PRDM2: variants seen among roughly 807,000 people sequenced by gnomAD.
The protein encoded by PRDM2 is PR/SET domain 2.
A neutral mutation model predicts 130.0 loss-of-function variants in PRDM2; 30 were observed. The ratio of observed to expected loss-of-function variants is 0.23; its 90% CI spans 0.17 to 0.31. The LOEUF (loss-of-function observed/expected upper bound fraction) is 0.31. Among genes scored for constraint, PRDM2 ranks in the 10% least tolerant of loss-of-function variants. PRDM2 has a pLI of 1.00. For synonymous variants in PRDM2, 871 were observed against 782.4 expected (o/e 1.11, Z -1.89); for missense variants, 2,011 against 2,108.4 (o/e 0.95, Z 0.90).
At chr1:13,774,321 T>C (rs1052570202) in intron 7 of PRDM2, among the ~76,000 whole-genome samples, 10 of 152,236 alleles carry the variant, frequency 6.6e-5, no homozygotes, top group Non-Finnish European at 7.3e-5. Context: ...GTGAGCCAAG[T>C]AGGCAAATTT....
In PRDM2 at chr1:13,780,190, T is replaced by G. The variant is rs746655694; in HGVS notation, c.2395T>G (p.Cys799Gly). 1.2e-6 allele frequency: 2 copies of G among 1,600,554 alleles called. No individual in the cohort carries two copies. Among genetic ancestry groups the G allele is most frequent in the South Asian group, 2.2e-5 (2 of 89,360 alleles). The part of the protein sequence containing the change: ...RDERETVSPP[C>G]FDEYKMSKEW... ...TGAGAGAGAAACTGTGAGCCCTCCATGCTTTGATGAATATAAAATGTCTAA... is the reference window on the plus strand; with the variant it reads ...TGAGAGAGAAACTGTGAGCCCTCCAGGCTTTGATGAATATAAAATGTCTAA... The change falls in exon 8 of 10, where the codon TGC becomes GGC. Residue 799 changes from cysteine to glycine, a missense_variant. Cys to Gly is a radical substitution (Grantham distance 159). Transcript: ENST00000311066.
chr1:13,781,468 G>C lies in PRDM2; in HGVS notation c.3673G>C (p.Glu1225Gln). Reference protein sequence around the residue: ...PDKVCTHHEFESGTLRPQNFT... With the variant: ...PDKVCTHHEFQSGTLRPQNFT... ...TAAGGTGTGCACACATCACGAGTTTGAAAGCGGGACTCTGAGGCCCCAGAA... is the reference window on the plus strand; with the variant it reads ...TAAGGTGTGCACACATCACGAGTTTCAAAGCGGGACTCTGAGGCCCCAGAA... Residue 1225 changes from glutamate to glutamine, a missense_variant, in exon 8 of 10, where the codon GAA (glutamate) becomes CAA (glutamine). Physicochemically the swap from Glu to Gln is conservative, Grantham distance 29. This residue lies in a region of PRDM2 where 229 missense variants were observed against 364.1 expected (regional missense o/e 0.63). Transcript: ENST00000311066. This position sits in a 1 kb window ranked among gnomAD's most constrained non-coding sequence, Gnocchi z 6.1. The C allele has an allele frequency of 6.2e-7, 1 of 1,613,704 alleles. No homozygotes were observed. Among genetic ancestry groups the C allele is most frequent in the Non-Finnish European group, 8.5e-7 (1 of 1,179,860 alleles).
chr1:13,717,365 G>A (rs1557596779), intron 2 of PRDM2: 1 of 973,518 alleles, frequency 1.0e-6, no homozygotes, highest in Non-Finnish European at 1.2e-6. Context: ...AAAGGAGCTC[G>A]GTTCTCTGCA....
intron 9 of PRDM2, among the ~76,000 whole-genome samples, chr1:13,817,282 G>A (rs1645272698): frequency 6.6e-6 from 1 of 152,042 alleles, no homozygotes; most frequent in African/African-American, 2.4e-5. Context: ...AAAAATTTCG[G>A]GTCTCAAGCA....
chr1:13,799,985 A>G (rs1402794056), intron 8 of PRDM2, among the ~76,000 whole-genome samples: 2 of 152,238 alleles, frequency 1.3e-5, no homozygotes, highest in East Asian at 3.8e-4. Context: ...TTCTCTCTGC[A>G]CTTTTAACAA....
intron 8 of PRDM2, among the ~76,000 whole-genome samples, chr1:13,813,578 A>G (rs1273907706): frequency 1.3e-5 from 2 of 152,222 alleles, no homozygotes; most frequent in Non-Finnish European, 2.9e-5. Context: ...TGAAAGGGGT[A>G]TAAAAGCACT....
intron 9 of PRDM2, among the ~76,000 whole-genome samples, chr1:13,821,348 A>G (rs1012930108): frequency 1.3e-5 from 2 of 152,182 alleles, no homozygotes; most frequent in East Asian, 3.9e-4. Flanking sequence ...TATTTTTAGT[A>G]ATAGTAATGG....
chr1:13,706,687 A>G (rs561777082), intron 1 of PRDM2, among the ~76,000 whole-genome samples: 1 of 151,572 alleles, frequency 6.6e-6, no homozygotes, highest in African/African-American at 2.4e-5. Context: ...ATCAAAAGAC[A>G]GTCTTTCATC....
At chr1:13,749,246 C>T (rs1049272897) in intron 5 of PRDM2, 115 bp from the exon 6 acceptor site, 5 of 1,005,684 alleles carry the variant, frequency 5.0e-6, no homozygotes, top group Non-Finnish European at 4.9e-6. Flanking sequence ...CGCGCGGCGC[C>T]GCCGACAGCT....
intron 5 of PRDM2, among the ~76,000 whole-genome samples, chr1:13,742,617 A>T (rs1013100383): frequency 6.6e-6 from 1 of 152,210 alleles, no homozygotes; most frequent in Non-Finnish European, 1.5e-5. Flanking sequence ...GTGTTTTAAT[A>T]TATGGTTACC....
intron 6 of PRDM2, among the ~76,000 whole-genome samples, chr1:13,750,391 T>G (rs142034800): frequency 0.015 from 2,233 of 151,892 alleles, 26 homozygotes; most frequent in South Asian, 0.036. Flanking sequence ...TGTTTTTTTG[T>G]TTTTTTGTTT....
intron 6 of PRDM2, among the ~76,000 whole-genome samples, chr1:13,755,662 C>T (rs553533875): frequency 6.6e-6 from 1 of 151,152 alleles, no homozygotes; most frequent in East Asian, 1.9e-4. Context: ...TTTTTAAACT[C>T]GTTCAGTGTT....
intron 1 of PRDM2, among the ~76,000 whole-genome samples, chr1:13,706,617 C>T (rs1390849899): frequency 6.6e-6 from 1 of 152,182 alleles, no homozygotes; most frequent in East Asian, 1.9e-4. Flanking sequence ...TCTGTTCTGT[C>T]CTTGCTCTGC....
At chr1:13,814,957 T>C (rs920624503) in intron 8 of PRDM2, among the ~76,000 whole-genome samples, 2 of 152,190 alleles carry the variant, frequency 1.3e-5, no homozygotes, top group African/African-American at 4.8e-5. Flanking sequence ...TGCCTCAGTT[T>C]CCTCATCTGT....
chr1:13,782,804 G>A lies in PRDM2; in HGVS notation c.5009G>A (p.Ser1670Asn), dbSNP rs1557655935. The change falls in exon 8 of 10, where the codon AGC becomes AAC. Residue 1670 changes from serine to asparagine, a missense_variant. This residue lies in a region of PRDM2 where 410 missense variants were observed against 395.9 expected (regional missense o/e 1.04). Coordinates refer to ENST00000311066, the MANE Select transcript of PRDM2 (RefSeq NM_001393986.1). ...AGTGAGAACAAGAGAGAGGACGGCAGCGCCAAGCAGGAGCTGAAGGACTTC... is the reference window on the plus strand; with the variant it reads ...AGTGAGAACAAGAGAGAGGACGGCAACGCCAAGCAGGAGCTGAAGGACTTC... ...DLSENKREDGSAKQELKDFSY... is the reference protein window; with the variant it reads ...DLSENKREDGNAKQELKDFSY... The A allele has an allele frequency of 6.2e-7, 1 of 1,608,494 alleles. No homozygotes were observed. Among genetic ancestry groups the A allele is most frequent in the African/African-American group, 1.3e-5 (1 of 74,404 alleles).
rs1017069829 is a variant in PRDM2 at position 13,815,837 on chromosome 1, C to T, written c.5037-590C>T. ...TTCACCTCTTTGGGAAGCCACGTCACCCCTGTGAGATACTCAGCATGGAAG... is the reference window on the plus strand; with the variant it reads ...TTCACCTCTTTGGGAAGCCACGTCATCCCTGTGAGATACTCAGCATGGAAG... On this transcript the variant is annotated intron_variant, in intron 8 of 9. Coordinates refer to ENST00000311066, the MANE Select transcript of PRDM2 (RefSeq NM_001393986.1). Among the ~76,000 whole-genome samples the T allele has an allele frequency of 3.3e-5, 5 of 152,306 alleles. No homozygotes were observed. The East Asian group carries it at 9.7e-4, about 29-fold the overall frequency.
intron 8 of PRDM2, among the ~76,000 whole-genome samples, chr1:13,795,451 GTT>G (rs1392741208): frequency 3.9e-5 from 6 of 152,204 alleles, no homozygotes; most frequent in Admixed American, 3.9e-4. Flanking sequence ...TTAATCATGA[GTT>G]TGTGCTACCT....
chr1:13,744,410 A>T (rs1292525038), intron 5 of PRDM2, among the ~76,000 whole-genome samples: 1 of 152,228 alleles, frequency 6.6e-6, no homozygotes, highest in Non-Finnish European at 1.5e-5. Context: ...GAATACGGAT[A>T]GAGCTCCAGC....
At chr1:13,759,161 C>T (rs1269302193) in intron 6 of PRDM2, among the ~76,000 whole-genome samples, 1 of 140,942 alleles carries the variant, frequency 7.1e-6, no homozygotes, top group East Asian at 2.1e-4. Flanking sequence ...ATTCCCCTAC[C>T]CTTTTTTTTT....
Sources: allele counts gnomAD v4.1 joint callset (sites outside exome capture counted in the v4.1 genomes callset), GRCh38; gene constraint gnomAD v4.1.1; regional missense constraint gnomAD v4.1.1; non-coding constraint Gnocchi (gnomAD v3.1); transcripts MANE v1.5; gene names NCBI Gene and HGNC (gene_info 2026-07-23, HGNC 2026-07-21).